FSTL5: variants seen among roughly 807,000 people sequenced by gnomAD.
FSTL5 encodes follistatin like 5.
In FSTL5, 62 loss-of-function variants were observed where a neutral mutation model predicts 89.1. The ratio of observed to expected loss-of-function variants is 0.70; its 90% CI spans 0.57 to 0.86. The LOEUF (loss-of-function observed/expected upper bound fraction) is 0.86. Among genes scored for constraint, FSTL5 ranks in the 40% least tolerant of loss-of-function variants. The pLI, the probability that FSTL5 is intolerant of heterozygous loss-of-function variation, is 0.00. For missense variants in FSTL5, 1,057 were observed against 1,001.6 expected, an observed-to-expected ratio of 1.06 and a Z score of -0.75; for synonymous variants, 383 against 346.2, an observed-to-expected ratio of 1.11 and a Z score of -1.18.
Position 162,115,955 on chromosome 4 carries a change from T to G in FSTL5, c.-16-4543A>C, listed in dbSNP as rs140214976. Among the ~76,000 whole-genome samples, 3 of 152,240 alleles carry G rather than the reference T, an allele frequency of 2.0e-5. No homozygotes were observed. In the East Asian group the frequency reaches 5.8e-4, roughly 30 times the overall value. ...AACTAAGACCACTGAAGCATTGCCTTAAGAATAAAATGCAGCATTTGAGAA... is the reference window on the plus strand; with the variant it reads ...AACTAAGACCACTGAAGCATTGCCTGAAGAATAAAATGCAGCATTTGAGAA... On this transcript the variant is annotated intron_variant, in intron 1 of 15. Transcript: ENST00000306100.
chr4:162,044,028 A>G (rs979821897), intron 2 of FSTL5, among the ~76,000 whole-genome samples: 24 of 152,188 alleles, frequency 1.6e-4, no homozygotes, highest in Admixed American at 2.0e-4. Flanking sequence ...AACTCCTGTT[A>G]AAGTTGACAT....
chr4:161,979,189 T>TA (rs1436261562), intron 3 of FSTL5, among the ~76,000 whole-genome samples: 1 of 152,194 alleles, frequency 6.6e-6, no homozygotes, highest in African/African-American at 2.4e-5. Flanking sequence ...TATTGGCTTA[T>TA]TCTTTTGGAC....
chr4:161,404,684 A>G (rs1289458237), intron 15 of FSTL5, among the ~76,000 whole-genome samples: 1 of 152,084 alleles, frequency 6.6e-6, no homozygotes, highest in Non-Finnish European at 1.5e-5. Flanking sequence ...AAAATTTTCA[A>G]AAGCCTTTGA....
intron 3 of FSTL5, among the ~76,000 whole-genome samples, chr4:162,031,239 A>G (rs1737509673): frequency 6.6e-6 from 1 of 152,168 alleles, no homozygotes; most frequent in Non-Finnish European, 1.5e-5. Flanking sequence ...TGCAGAAAAT[A>G]AGACTTCTAG....
chr4:161,527,876 C>G lies in FSTL5; in HGVS notation c.1312+10290G>C, dbSNP rs945881635. Among the ~76,000 whole-genome samples, 25 of 150,712 alleles carry G rather than the reference C, an allele frequency of 1.7e-4. 1 individual carries two copies. The highest frequency in any genetic ancestry group is 6.2e-4 in the African/African-American group (25 of 40,562). The stretch of plus-strand genomic sequence containing the variant: ...TTTGTTGCGGCACTATTCACAATAG[C>G]AAAGACTTGGAACCAACCCAAATGT... On this transcript the variant is annotated intron_variant, in intron 10 of 15. Coordinates refer to ENST00000306100, the MANE Select transcript of FSTL5 (RefSeq NM_020116.5).
chr4:162,032,579 A>C (rs960442972), intron 3 of FSTL5: 2 of 152,180 alleles, frequency 1.3e-5, no homozygotes, highest in African/African-American at 4.8e-5. Context: ...ATTCTTCAGC[A>C]ATATAGACAC....
Position 161,563,998 on chromosome 4 carries a change from T to A in FSTL5, c.1016-21305A>T, listed in dbSNP as rs553453849. On this transcript the variant is annotated intron_variant, in intron 8 of 15. Coordinates refer to ENST00000306100, the MANE Select transcript of FSTL5 (RefSeq NM_020116.5). ...ATGCGTTAAAATATTATCTGCATAT[T>A]ATAATAAAAGGAATAAAAATAAAAC... Among the ~76,000 whole-genome samples, 15 of 151,974 alleles carry A rather than the reference T, an allele frequency of 9.9e-5. No individual in the cohort carries two copies. The South Asian group carries it at 3.1e-3, about 31-fold the overall frequency.
rs150853212 is a variant in FSTL5 at position 161,847,217 on chromosome 4, G to C, written c.410-71143C>G. The stretch of plus-strand genomic sequence containing the variant: ...AATAAATCCAAATGTCCCATGCAAA[G>C]TTTGATCCAAAGTTTTATAAAGGAT... On this transcript the variant is annotated intron_variant, in intron 4 of 15. Coordinates refer to ENST00000306100, the MANE Select transcript of FSTL5 (RefSeq NM_020116.5). Among the ~76,000 whole-genome samples the C allele has an allele frequency of 2.3e-3, 354 of 152,204 alleles. 3 individuals are homozygous for C. The highest frequency in any genetic ancestry group is 7.9e-3 in the African/African-American group (327 of 41,548).
chr4:161,539,922 G>A (rs1369557412), intron 9 of FSTL5, among the ~76,000 whole-genome samples: 2 of 138,196 alleles, frequency 1.4e-5, no homozygotes, highest in South Asian at 2.3e-4. Context: ...TTTTTTTTCA[G>A]GATCCACACA....
intron 3 of FSTL5, among the ~76,000 whole-genome samples, chr4:161,992,774 T>C (rs1440133274): frequency 6.8e-6 from 1 of 146,528 alleles, no homozygotes; most frequent in Non-Finnish European, 1.5e-5. Flanking sequence ...AACCCGGGAG[T>C]TGGACGTTGC....
intron 7 of FSTL5, among the ~76,000 whole-genome samples, chr4:161,607,367 A>C (rs762551354): frequency 1.3e-5 from 2 of 152,082 alleles, no homozygotes; most frequent in Non-Finnish European, 2.9e-5. Context: ...TTAAGTCAGG[A>C]GAGAATTGGG....
chr4:162,050,326 T>G (rs1385108072), intron 2 of FSTL5, among the ~76,000 whole-genome samples: 1 of 151,220 alleles, frequency 6.6e-6, no homozygotes, highest in Non-Finnish European at 1.5e-5. Flanking sequence ...AGATTCTCAA[T>G]AGCAAAATGC....
intron 1 of FSTL5, among the ~76,000 whole-genome samples, chr4:162,119,105 G>A (rs1024419881): frequency 1.3e-4 from 20 of 151,882 alleles, no homozygotes; most frequent in African/African-American, 3.6e-4. Flanking sequence ...ACCTATAGTC[G>A]TAGCTACTCT....
intron 6 of FSTL5, among the ~76,000 whole-genome samples, chr4:161,757,368 A>G (rs1011101303): frequency 5.1e-5 from 7 of 136,212 alleles, no homozygotes; most frequent in Non-Finnish European, 9.5e-5. Context: ...CGACATATGC[A>G]CACACACACA....
At chr4:161,895,961 T>A (rs1021287725) in intron 4 of FSTL5, among the ~76,000 whole-genome samples, 1 of 152,308 alleles carries the variant, frequency 6.6e-6, no homozygotes, top group South Asian at 2.1e-4. Context: ...AGAAATCTGA[T>A]GATATTGGGC....
chr4:161,963,812 G>C (rs1228656677), intron 3 of FSTL5, among the ~76,000 whole-genome samples: 1 of 151,910 alleles, frequency 6.6e-6, no homozygotes, highest in Non-Finnish European at 1.5e-5. Flanking sequence ...CATCTTTCCT[G>C]CTCATGCTTG....
intron 4 of FSTL5, among the ~76,000 whole-genome samples, chr4:161,916,126 A>G (rs1018450603): frequency 5.9e-5 from 9 of 152,194 alleles, no homozygotes; most frequent in African/African-American, 2.2e-4. Flanking sequence ...TTTCATGCTA[A>G]CAGTGCACAG....
At position 162,056,691 on chromosome 4, in the gene FSTL5, C is replaced by G. The variant is rs568842901; in HGVS notation, c.127-23033G>C. Among the ~76,000 whole-genome samples the G allele has an allele frequency of 1.2e-4, 19 of 152,096 alleles. No individual in the cohort carries two copies. In the South Asian group the frequency reaches 2.3e-3, roughly 18 times the overall value. On this transcript the variant is annotated intron_variant, in intron 2 of 15. Coordinates refer to ENST00000306100, the MANE Select transcript of FSTL5 (RefSeq NM_020116.5). ...ACATAAAAAGAATATAATAGGAATC[C>G]TTAATAAAACATTTTTTTAAAGTTT... is the stretch of plus-strand genomic sequence containing the variant.
intron 3 of FSTL5, among the ~76,000 whole-genome samples, chr4:162,007,610 C>T (rs957910569): frequency 4.6e-5 from 7 of 150,740 alleles, no homozygotes; most frequent in African/African-American, 1.7e-4. Context: ...CACAATATTT[C>T]ATCATATCCA....
Sources: gnomAD v4.1 joint callset for allele counts (sites outside exome capture counted in the v4.1 genomes callset) on GRCh38, gnomAD v4.1.1 for gene constraint, MANE v1.5 for transcripts, NCBI Gene and HGNC (gene_info 2026-07-23, HGNC 2026-07-21) for gene names.